NAALADL2: variants seen among roughly 807,000 people sequenced by gnomAD.
The protein encoded by NAALADL2 is inactive N-acetylated-alpha-linked acidic dipeptidase-like protein 2.
A neutral mutation model predicts 87.2 loss-of-function variants in NAALADL2; 76 were observed. The observed-to-expected ratio is 0.87, with a 90% confidence interval of 0.72 to 1.05. NAALADL2 has a LOEUF of 1.05. Ranked by LOEUF, NAALADL2 falls within the 50% of genes least tolerant of loss-of-function variation. The pLI is 0.00. For missense variants in NAALADL2, 1,089 were observed against 945.8 expected, an observed-to-expected ratio of 1.15 and a Z score of -1.99; for synonymous variants, 354 against 331.0, an observed-to-expected ratio of 1.07 and a Z score of -0.75.
chr3:175,312,360 C>A (rs1181580217), intron 4 of NAALADL2, among the ~76,000 whole-genome samples: 1 of 151,402 alleles, frequency 6.6e-6, no homozygotes, highest in Non-Finnish European at 1.5e-5. Context: ...TGTTACTATA[C>A]GTATGAAATT....
At chr3:175,653,528 G>A (rs772078462) in intron 11 of NAALADL2, among the ~76,000 whole-genome samples, 1 of 151,940 alleles carries the variant, frequency 6.6e-6, no homozygotes, top group African/African-American at 2.4e-5. Context: ...GAGTTTTTGC[G>A]TTTCTCCAAG....
At chr3:175,442,778 G>C (rs932446723) in intron 5 of NAALADL2, among the ~76,000 whole-genome samples, 1 of 152,164 alleles carries the variant, frequency 6.6e-6, no homozygotes, top group African/African-American at 2.4e-5. Flanking sequence ...TAAAATAAAA[G>C]TTGGTCCCCC....
At chr3:174,548,078 TC>T (rs1269287620) in intron 1 of NAALADL2, among the ~76,000 whole-genome samples, 5 of 152,196 alleles carry the variant, frequency 3.3e-5, no homozygotes, top group African/African-American at 1.2e-4. Flanking sequence ...TGCCTTCTGA[TC>T]TAGACATCTA....
chr3:175,148,091 G>GATAATAATAATAATA (rs777779002), intron 2 of NAALADL2, among the ~76,000 whole-genome samples: 47 of 110,742 alleles, frequency 4.2e-4, no homozygotes, highest in African/African-American at 1.5e-3. Context: ...TAATGATAAT[G>GATAATAATAATAATA]ATAATAATAA....
At chr3:175,793,683 TTAAA>T (rs568391427) in intron 13 of NAALADL2, among the ~76,000 whole-genome samples, 5 of 152,246 alleles carry the variant, frequency 3.3e-5, no homozygotes, top group South Asian at 2.1e-4. Flanking sequence ...AAACATAAAA[TTAAA>T]TAACCTCATA....
At chr3:174,846,159 T>C (rs1560281953) in intron 3 of NAALADL2, among the ~76,000 whole-genome samples, 1 of 152,200 alleles carries the variant, frequency 6.6e-6, no homozygotes, top group Non-Finnish European at 1.5e-5. Flanking sequence ...ATTACCTTTT[T>C]GCTGCAAGAA....
At chr3:175,426,133 GC>G (rs1225833953) in intron 5 of NAALADL2, among the ~76,000 whole-genome samples, 2 of 152,198 alleles carry the variant, frequency 1.3e-5, no homozygotes, top group Admixed American at 6.5e-5. Flanking sequence ...GGAGGCCAAG[GC>G]GGGCGGATCA....
chr3:175,607,605 C>G (rs1429867392), intron 10 of NAALADL2, among the ~76,000 whole-genome samples: 1 of 151,946 alleles, frequency 6.6e-6, no homozygotes, highest in Non-Finnish European at 1.5e-5. Context: ...AGTAAACCAT[C>G]GTTTGAAATG....
chr3:174,969,090 G>A (rs1176629663), intron 1 of NAALADL2, among the ~76,000 whole-genome samples: 3 of 152,150 alleles, frequency 2.0e-5, no homozygotes, highest in African/African-American at 4.8e-5. Flanking sequence ...CTGTAACACA[G>A]GTCTATGGGG....
intron 5 of NAALADL2, among the ~76,000 whole-genome samples, chr3:175,414,230 G>T (rs1292070780): frequency 6.6e-6 from 1 of 152,162 alleles, no homozygotes; most frequent in Non-Finnish European, 1.5e-5. Flanking sequence ...GATTTTATTT[G>T]TGTTTCTTTG....
At chr3:174,984,636 T>C (rs1273050310) in intron 1 of NAALADL2, among the ~76,000 whole-genome samples, 1 of 152,134 alleles carries the variant, frequency 6.6e-6, no homozygotes, top group Non-Finnish European at 1.5e-5. Flanking sequence ...GAAATACAGA[T>C]TGATATCAAT....
intron 4 of NAALADL2, among the ~76,000 whole-genome samples, chr3:175,257,465 A>C (rs1332722833): frequency 6.6e-6 from 1 of 152,048 alleles, no homozygotes; most frequent in Non-Finnish European, 1.5e-5. Context: ...ACTCTTGAAA[A>C]CAGAATATAC....
At chr3:174,606,871 G>C (rs1232598566) in intron 2 of NAALADL2, among the ~76,000 whole-genome samples, 2 of 152,130 alleles carry the variant, frequency 1.3e-5, no homozygotes, top group African/African-American at 2.4e-5. Flanking sequence ...ATAATCGTCA[G>C]ATTCACCAAA....
At chr3:175,670,159 C>T (rs1733741804) in intron 11 of NAALADL2, among the ~76,000 whole-genome samples, 1 of 151,756 alleles carries the variant, frequency 6.6e-6, no homozygotes, top group South Asian at 2.1e-4. Flanking sequence ...AGGTAACTTG[C>T]CCAAGGCAAT....
intron 1 of NAALADL2, among the ~76,000 whole-genome samples, chr3:174,938,534 T>G (rs1706778118): frequency 1.3e-5 from 2 of 152,150 alleles, no homozygotes; most frequent in African/African-American, 4.8e-5. Context: ...TCTCTGGGTA[T>G]ACACCCAATA....
rs115176854 is a variant in NAALADL2 at position 175,194,076 on chromosome 3, G to A, written c.546-39855G>A. 6.7e-3 allele frequency among the ~76,000 whole-genome samples: 1,016 copies of A among 151,950 alleles called. 10 individuals carry two copies. Among genetic ancestry groups the A allele is most frequent in the African/African-American group, 0.023 (944 of 41,540 alleles). ...GTTTGTGAAAACTGAAGTGCAGAATGTCATTGTAAACAATTTTGTTAAAAT... is the reference window on the plus strand; with the variant it reads ...GTTTGTGAAAACTGAAGTGCAGAATATCATTGTAAACAATTTTGTTAAAAT... On this transcript the variant is annotated intron_variant, in intron 2 of 13. Transcript: ENST00000454872.
rs1423635325 is a variant in NAALADL2, at chr3:175,576,718, A to G, written c.1800+531A>G. 2.6e-5 allele frequency among the ~76,000 whole-genome samples: 4 copies of G among 152,292 alleles called. No individual in the cohort carries two copies. The East Asian group carries it at 7.7e-4, about 29-fold the overall frequency. ...ACCTTAATTAAGTCTCTGTTCATCC[A>G]TCTTTTGGACTTCAATCCTTCTAAT... On this transcript the variant is annotated intron_variant, in intron 10 of 13. Transcript: ENST00000454872.
chr3:175,113,022 C>A (rs1418067178), intron 2 of NAALADL2, among the ~76,000 whole-genome samples: 3 of 151,466 alleles, frequency 2.0e-5, no homozygotes, highest in African/African-American at 7.3e-5. Flanking sequence ...TGTGAGTGTG[C>A]CTTTTTTGAC....
intron 1 of NAALADL2, among the ~76,000 whole-genome samples, chr3:174,529,868 A>G (rs1721085173): frequency 6.6e-6 from 1 of 152,046 alleles, no homozygotes; most frequent in Non-Finnish European, 1.5e-5. Flanking sequence ...CCGGCTCACA[A>G]AACCACTTTT....
Sources: allele counts gnomAD v4.1 joint callset (sites outside exome capture counted in the v4.1 genomes callset), GRCh38; gene constraint gnomAD v4.1.1; transcripts MANE v1.5; gene names NCBI Gene and HGNC (gene_info 2026-07-23, HGNC 2026-07-21).